Variants in TANC2 observed in about 807,000 individuals in gnomAD.
TANC2 encodes the protein tetratricopeptide repeat, ankyrin repeat and coiled-coil containing 2.
TANC2 carries 26 observed loss-of-function variants against 210.5 expected under a neutral mutation model. That is an observed-to-expected ratio of 0.12 (90% CI 0.09 to 0.17). The LOEUF is 0.17. TANC2 is among the 10% of genes least tolerant of loss of function. The pLI is 1.00. For synonymous variants in TANC2, 931 were observed against 967.1 expected, an observed-to-expected ratio of 0.96 and a Z score of 0.69; for missense variants, 2,129 against 2,608.9, an observed-to-expected ratio of 0.82 and a Z score of 4.01.
At chr17:63,216,005 C>T (rs1291491021) in intron 7 of TANC2, among the ~76,000 whole-genome samples, 1 of 152,068 alleles carries the variant, frequency 6.6e-6, no homozygotes, top group Admixed American at 6.6e-5. Context: ...CCTGCCTTGG[C>T]CTCCCAAAGT....
intron 3 of TANC2, among the ~76,000 whole-genome samples, chr17:63,091,474 C>T (rs1032945027): frequency 9.9e-5 from 15 of 152,190 alleles, no homozygotes; most frequent in East Asian, 3.9e-4. Flanking sequence ...GGGAATCCTT[C>T]CCCCATTTCT....
intron 3 of TANC2, among the ~76,000 whole-genome samples, chr17:63,093,761 C>T (rs1057494127): frequency 2.0e-5 from 3 of 152,010 alleles, no homozygotes; most frequent in Non-Finnish European, 4.4e-5. Flanking sequence ...GTACATTGCT[C>T]CATTTAGCAT....
intron 1 of TANC2, among the ~76,000 whole-genome samples, chr17:62,972,445 TAA>T (rs1485695250): frequency 6.6e-6 from 1 of 152,226 alleles, no homozygotes; most frequent in Non-Finnish European, 1.5e-5. Context: ...TATCAGAACT[TAA>T]GAGAGTCTCA....
chr17:62,988,323 A>C (rs764263499), intron 1 of TANC2, among the ~76,000 whole-genome samples: 7 of 130,456 alleles, frequency 5.4e-5, no homozygotes, highest in Non-Finnish European at 9.6e-5. Flanking sequence ...TTTTTAGTAG[A>C]GATGGGGTTT....
At chr17:63,186,268 C>T (rs2040979838) in intron 5 of TANC2, among the ~76,000 whole-genome samples, 1 of 151,294 alleles carries the variant, frequency 6.6e-6, no homozygotes, top group Admixed American at 6.6e-5. Flanking sequence ...ACCTTTTTAT[C>T]TATGCTTTTG....
At chr17:63,202,788 T>A (rs1215347388) in intron 7 of TANC2, among the ~76,000 whole-genome samples, 1 of 152,170 alleles carries the variant, frequency 6.6e-6, no homozygotes, top group Admixed American at 6.5e-5. Context: ...CAATCCCATT[T>A]CATTGCAGCC....
At chr17:63,213,779 G>T (rs1252602916) in intron 7 of TANC2, among the ~76,000 whole-genome samples, 2 of 152,128 alleles carry the variant, frequency 1.3e-5, no homozygotes, top group African/African-American at 4.8e-5. Context: ...AATAGTTTTG[G>T]CAACATGCTG....
intron 9 of TANC2, among the ~76,000 whole-genome samples, chr17:63,288,169 A>G (rs558694391): frequency 6.6e-6 from 1 of 152,240 alleles, no homozygotes; most frequent in South Asian, 2.1e-4. Context: ...CTCCAGAATT[A>G]TTTCTGCACA....
chr17:63,064,012 G>T (rs2036104815), intron 2 of TANC2, among the ~76,000 whole-genome samples: 1 of 152,062 alleles, frequency 6.6e-6, no homozygotes, highest in African/African-American at 2.4e-5. Context: ...ATATGGACAG[G>T]TTCTACATAA....
chr17:63,179,157 C>G (rs528138019), intron 5 of TANC2, among the ~76,000 whole-genome samples: 1 of 152,056 alleles, frequency 6.6e-6, no homozygotes, highest in South Asian at 2.1e-4. Flanking sequence ...TTATTTCCCC[C>G]GTGAGACTAT....
intron 4 of TANC2, among the ~76,000 whole-genome samples, chr17:63,118,256 AT>A (rs1011916949): frequency 1.3e-5 from 2 of 152,030 alleles, no homozygotes; most frequent in African/African-American, 4.8e-5. Context: ...TAGTTTAAGA[AT>A]TTTTTTTAAC....
intron 5 of TANC2, chr17:63,153,168 T>C (rs2039715180): frequency 6.6e-6 from 1 of 152,148 alleles, no homozygotes; most frequent in South Asian, 2.1e-4. Context: ...AAATTAACAA[T>C]AACCAAATGA....
chr17:62,970,670 A>G (rs2031641226), intron 1 of TANC2, among the ~76,000 whole-genome samples: 1 of 152,234 alleles, frequency 6.6e-6, no homozygotes, highest in South Asian at 2.1e-4. Flanking sequence ...AAAGAAATGC[A>G]TGAAAATCCT....
chr17:62,997,051 G>C (rs2033151858), intron 1 of TANC2, among the ~76,000 whole-genome samples: 1 of 145,768 alleles, frequency 6.9e-6, no homozygotes, highest in South Asian at 2.2e-4. Context: ...CTGACCTCAG[G>C]TGATCTGCCC....
intron 1 of TANC2, among the ~76,000 whole-genome samples, chr17:62,975,530 T>G (rs1450349716): frequency 6.6e-6 from 1 of 151,868 alleles, no homozygotes; most frequent in African/African-American, 2.4e-5. Context: ...GAATCAGCTT[T>G]TCCATTTTCG....
chr17:63,088,741 G>A (rs1442356042), intron 3 of TANC2: 1 of 152,166 alleles, frequency 6.6e-6, no homozygotes, highest in African/African-American at 2.4e-5. Context: ...TTTGTCTTTG[G>A]TGTGAGATCT....
intron 3 of TANC2, among the ~76,000 whole-genome samples, chr17:63,082,043 C>T (rs1242424174): frequency 1.3e-5 from 2 of 151,510 alleles, no homozygotes; most frequent in Non-Finnish European, 2.9e-5. Context: ...TGGTGGCGGG[C>T]GCCTGTAGTC....
At chr17:63,056,002 T>A (rs1230392504) in intron 2 of TANC2, among the ~76,000 whole-genome samples, 3 of 42,016 alleles carry the variant, frequency 7.1e-5, no homozygotes, top group African/African-American at 2.2e-4. Context: ...TATATATATA[T>A]ATATATATAT....
At chr17:63,008,263 A>G (rs2033713112) in intron 1 of TANC2, among the ~76,000 whole-genome samples, 1 of 152,086 alleles carries the variant, frequency 6.6e-6, no homozygotes, top group Non-Finnish European at 1.5e-5. Context: ...CTCACACTTC[A>G]TATATTGCTT....
Sources: allele counts gnomAD v4.1 joint callset (sites outside exome capture counted in the v4.1 genomes callset), GRCh38; gene constraint gnomAD v4.1.1; transcripts MANE v1.5; gene names NCBI Gene and HGNC (gene_info 2026-07-23, HGNC 2026-07-21).